The following FAM81B variants were observed in gnomAD, a reference collection of about 807,000 sequenced individuals.
The protein encoded by FAM81B is protein FAM81B.
A neutral mutation model predicts 58.7 loss-of-function variants in FAM81B; 60 were observed. The observed-to-expected ratio is 1.02, with a 90% confidence interval of 0.83 to 1.27. The LOEUF (loss-of-function observed/expected upper bound fraction) is 1.27. FAM81B is among the 50% of genes most tolerant of loss of function. FAM81B has a pLI of 0.00. For synonymous variants in FAM81B, 189 were observed against 179.6 expected, an observed-to-expected ratio of 1.05 and a Z score of -0.42; for missense variants, 491 against 522.0, an observed-to-expected ratio of 0.94 and a Z score of 0.58.
intron 8 of FAM81B, among the ~76,000 whole-genome samples, chr5:95,447,384 A>C (rs1745619495): frequency 6.6e-6 from 1 of 152,210 alleles, no homozygotes; most frequent in Admixed American, 6.5e-5. Context: ...TGAGTTTGTA[A>C]ACAGCTGATA....
chr5:95,436,808 G>C lies in FAM81B; in HGVS notation c.795G>C (p.Gln265His), dbSNP rs772647766. ...LSKNLDMKVM[Q>H]LLGKIETASS... ...TCTCGTACTTTGACTAGGTGATGCA[G>C]CTCTTAGGAAAGATAGAAACTGCCA... The change falls in exon 7 of 10, where the codon CAG (glutamine) becomes CAC (histidine). Residue 265 changes from glutamine (Q) to histidine (H), a missense_variant. Gln to His is a conservative substitution (Grantham distance 24). Coordinates refer to ENST00000283357, the MANE Select transcript of FAM81B (RefSeq NM_152548.3). The C allele has an allele frequency of 2.5e-6, 4 of 1,611,740 alleles. No homozygotes were observed. In the Admixed American group the frequency reaches 5.0e-5, roughly 20 times the overall value.
intron 7 of FAM81B, chr5:95,440,030 T>C: frequency 2.6e-6 from 1 of 391,028 alleles, no homozygotes. Context: ...AAAAAAGTCT[T>C]TTAACAAAGG....
chr5:95,404,345 C>G (rs1762191257), intron 3 of FAM81B, among the ~76,000 whole-genome samples: 1 of 151,984 alleles, frequency 6.6e-6, no homozygotes, highest in Admixed American at 6.5e-5. Flanking sequence ...ATTTTTGAAC[C>G]AAATGAGTGG....
chr5:95,431,199 T>C (rs1246606981), intron 6 of FAM81B, among the ~76,000 whole-genome samples: 1 of 151,956 alleles, frequency 6.6e-6, no homozygotes, highest in African/African-American at 2.4e-5. Context: ...TCAGTTCTTT[T>C]GTGGCTGCTG....
chr5:95,445,546 T>C (rs926828836), intron 7 of FAM81B, among the ~76,000 whole-genome samples: 1 of 152,188 alleles, frequency 6.6e-6, no homozygotes, highest in Non-Finnish European at 1.5e-5. Flanking sequence ...TTTTATCCAC[T>C]TCTATTCTTA....
chr5:95,427,254 G>A (rs951658545), intron 5 of FAM81B, among the ~76,000 whole-genome samples: 5 of 152,094 alleles, frequency 3.3e-5, no homozygotes, highest in African/African-American at 1.2e-4. Context: ...GTCTTTGGGG[G>A]TCTTAATATG....
rs897332411 is a variant in FAM81B at position 95,450,439 on chromosome 5, G to A, written c.*157G>A. The A allele has an allele frequency of 5.8e-5, 72 of 1,240,540 alleles. 1 individual carries two copies. Among genetic ancestry groups the A allele is most frequent in the Non-Finnish European group, 7.0e-5 (65 of 923,726 alleles). 76.8% of individuals were successfully genotyped at this position (1,240,540 alleles called of 1,614,324 possible). On this transcript the variant is annotated 3_prime_UTR_variant, in exon 10 of 10. Coordinates refer to ENST00000283357, the MANE Select transcript of FAM81B (RefSeq NM_152548.3). ...AAAAATAATAAAGCAAAGAAGCTTC[G>A]GATGTCTTGAATTTATTAATGAAAA... is the stretch of plus-strand genomic sequence containing the variant.
At chr5:95,401,140 A>G (rs1048651498) in intron 3 of FAM81B, among the ~76,000 whole-genome samples, 1 of 152,102 alleles carries the variant, frequency 6.6e-6, no homozygotes, top group Non-Finnish European at 1.5e-5. Context: ...AGGAAAACCA[A>G]TCGTACCAGG....
At chr5:95,429,077 T>C (rs1744753823) in intron 6 of FAM81B, among the ~76,000 whole-genome samples, 1 of 152,140 alleles carries the variant, frequency 6.6e-6, no homozygotes, top group South Asian at 2.1e-4. Flanking sequence ...ATGGAAGCTA[T>C]TATTATTAAA....
At chr5:95,424,252 C>T in intron 5 of FAM81B, 1 of 1,277,610 alleles carries the variant, frequency 7.8e-7, no homozygotes, top group Non-Finnish European at 1.0e-6. Context: ...ATATGAATCA[C>T]TTCCACTATC....
intron 2 of FAM81B, among the ~76,000 whole-genome samples, chr5:95,395,660 T>C (rs1761947428): frequency 6.6e-6 from 1 of 152,200 alleles, no homozygotes; most frequent in African/African-American, 2.4e-5. Context: ...GTATGACTGC[T>C]CTGGCTATAA....
chr5:95,430,590 A>G (rs780146036), intron 6 of FAM81B, among the ~76,000 whole-genome samples: 17 of 152,136 alleles, frequency 1.1e-4, no homozygotes, highest in Middle Eastern at 6.8e-3. Context: ...GTTCTTTTAA[A>G]TATTTTGCTC....
intron 7 of FAM81B, among the ~76,000 whole-genome samples, chr5:95,445,102 C>G (rs1321816645): frequency 6.6e-6 from 1 of 152,110 alleles, no homozygotes; most frequent in Non-Finnish European, 1.5e-5. Context: ...TAATAATTAG[C>G]CCAAACACTT....
At chr5:95,427,469 AAGGGATACCTTT>A (rs1225100817) in intron 5 of FAM81B, among the ~76,000 whole-genome samples, 1 of 152,138 alleles carries the variant, frequency 6.6e-6, no homozygotes, top group African/African-American at 2.4e-5. Flanking sequence ...GGTGATACTA[AAGGGATACCTTT>A]AGTATCTTTT....
intron 9 of FAM81B, 111 bp from the exon 10 acceptor site, chr5:95,450,038 C>G: frequency 3.3e-6 from 4 of 1,218,768 alleles, no homozygotes; most frequent in Non-Finnish European, 4.5e-6. Context: ...GAATTTAATG[C>G]GCTTGGAATT....
intron 7 of FAM81B, among the ~76,000 whole-genome samples, chr5:95,442,702 G>A (rs1455637300): frequency 2.0e-5 from 3 of 152,216 alleles, no homozygotes; most frequent in Non-Finnish European, 4.4e-5. Flanking sequence ...TTCTATCAGA[G>A]TGGAGGCAGA....
intron 7 of FAM81B, among the ~76,000 whole-genome samples, chr5:95,438,179 A>C (rs890501234): frequency 6.6e-6 from 1 of 152,226 alleles, no homozygotes; most frequent in Non-Finnish European, 1.5e-5. Flanking sequence ...GTAGTTGTCA[A>C]GTAAACAGAA....
chr5:95,428,662 G>A lies in FAM81B; in HGVS notation c.716G>A (p.Arg239Gln), dbSNP rs1541797. 10,666 of 1,613,912 alleles carry A rather than the reference G, an allele frequency of 6.6e-3. 55 individuals carry two copies. The highest frequency in any genetic ancestry group is 7.7e-3 in the Non-Finnish European group (9,079 of 1,179,852). Residue 239 changes from arginine (R) to glutamine (Q), a missense_variant, in exon 6 of 10, where the codon CGG becomes CAG. By Grantham distance (43) the Arg-to-Gln change is conservative. Coordinates refer to ENST00000283357, the MANE Select transcript of FAM81B (RefSeq NM_152548.3). Reference protein sequence around the residue: ...GDIHLFRQEHRQIEKAIQEFV... With the variant: ...GDIHLFRQEHQQIEKAIQEFV... ...ATTCACTTATTCAGGCAAGAGCACC[G>A]GCAAATTGAGAAAGCCATTCAAGAA...
At chr5:95,419,777 G>A (rs1205553992) in intron 4 of FAM81B, among the ~76,000 whole-genome samples, 1 of 152,164 alleles carries the variant, frequency 6.6e-6, no homozygotes, top group Non-Finnish European at 1.5e-5. Flanking sequence ...TGCTTGCGCT[G>A]TGTTAACTTC....
Sources: allele counts gnomAD v4.1 joint callset (sites outside exome capture counted in the v4.1 genomes callset), GRCh38; gene constraint gnomAD v4.1.1; transcripts MANE v1.5; gene names NCBI Gene and HGNC (gene_info 2026-07-23, HGNC 2026-07-21).